Variants in OLFM4 observed in about 807,000 individuals in gnomAD.
OLFM4 encodes the protein olfactomedin 4, also known as olfactomedin-4.
Under a neutral mutation model 25.5 loss-of-function variants are expected in OLFM4, and 22 were observed. The ratio of observed to expected loss-of-function variants is 0.86; its 90% CI spans 0.62 to 1.23. The LOEUF (loss-of-function observed/expected upper bound fraction) is 1.23, where lower values mean the gene tolerates loss of function less well. Among genes scored for constraint, OLFM4 ranks in the 50% most tolerant of loss-of-function variants. The pLI is 0.00. For synonymous variants in OLFM4, 255 were observed against 237.7 expected (o/e 1.07, Z -0.67); for missense variants, 594 against 619.4 (o/e 0.96, Z 0.44).
intron 2 of OLFM4, among the ~76,000 whole-genome samples, chr13:53,039,864 TAA>T (rs1172882273): frequency 6.6e-6 from 1 of 152,204 alleles, no homozygotes; most frequent in Non-Finnish European, 1.5e-5. Flanking sequence ...CGACTTTCAT[TAA>T]AATCCTTTTT....
chr13:53,036,150 T>G (rs1331872159), intron 2 of OLFM4, among the ~76,000 whole-genome samples: 1 of 152,236 alleles, frequency 6.6e-6, no homozygotes, highest in African/African-American at 2.4e-5. Flanking sequence ...TAAGTTTAAA[T>G]GAGTGTCCAG....
chr13:53,050,482 T>C lies in OLFM4; in HGVS notation c.1244T>C (p.Leu415Pro), dbSNP rs756941149. The change falls in exon 5 of 5, where the codon CTT (leucine) becomes CCT (proline). Residue 415 changes from leucine (L) to proline (P), a missense_variant. Transcript: ENST00000219022. ...MVISKLNDTT[L>P]QVLNTWYTKQ... ...ATTAGTAAACTCAATGACACCACAC[T>C]TCAGGTGCTAAACACTTGGTATACC... 6.8e-6 allele frequency: 11 copies of C among 1,614,080 alleles called. No individual in the cohort carries two copies. The highest frequency in any genetic ancestry group is 1.6e-4 in the Middle Eastern group (1 of 6,062).
intron 2 of OLFM4, among the ~76,000 whole-genome samples, chr13:53,035,889 TAAA>T (rs1377372585): frequency 6.6e-6 from 1 of 152,170 alleles, no homozygotes; most frequent in Non-Finnish European, 1.5e-5. Context: ...CAGCCCAAGT[TAAA>T]AATCAATTAG....
rs1406847289 is a variant in OLFM4, at chr13:53,041,339, T to G, written c.358-571T>G. Among the ~76,000 whole-genome samples, 3 of 152,266 alleles carry G rather than the reference T, an allele frequency of 2.0e-5. No individual in the cohort carries two copies. The South Asian group carries it at 6.2e-4, about 32-fold the overall frequency. On this transcript the variant is annotated intron_variant, in intron 2 of 4. Coordinates refer to ENST00000219022, the MANE Select transcript of OLFM4 (RefSeq NM_006418.5). ...CTTTGTAGGAACATGGATAGAGAGC[T>G]GGAAGCCATTCTCCGAAGCAAATTA...
intron 2 of OLFM4, among the ~76,000 whole-genome samples, chr13:53,039,540 A>G (rs1037989079): frequency 1.3e-5 from 2 of 152,222 alleles, no homozygotes; most frequent in African/African-American, 4.8e-5. Context: ...AATGATTTAT[A>G]TAGCATTTAC....
At chr13:53,044,909 A>T (rs1002607095) in intron 4 of OLFM4, among the ~76,000 whole-genome samples, 2 of 152,140 alleles carry the variant, frequency 1.3e-5, no homozygotes, top group Non-Finnish European at 2.9e-5. Flanking sequence ...CTCCTCATGG[A>T]ATAGATTTTT....
At chr13:53,038,404 G>C (rs1185852340) in intron 2 of OLFM4, among the ~76,000 whole-genome samples, 3 of 152,150 alleles carry the variant, frequency 2.0e-5, no homozygotes, top group Non-Finnish European at 4.4e-5. Flanking sequence ...CACAAACCTA[G>C]AGGGTGTAGC....
rs1438269323 is a variant in OLFM4, at chr13:53,034,511, T to C, written c.357+11T>C. 1 of 1,597,922 alleles carries C rather than the reference T, an allele frequency of 6.3e-7. No homozygotes were observed. The highest frequency in any genetic ancestry group is 1.3e-5 in the African/African-American group (1 of 74,298). ...AAAGAACTTTCCAAAGTAAGCATTT[T>C]CTTTTCAAACAATATCTTGATAAAG... On this transcript the variant is annotated intron_variant, in intron 2 of 4. Coordinates refer to ENST00000219022, the MANE Select transcript of OLFM4 (RefSeq NM_006418.5).
intron 2 of OLFM4, among the ~76,000 whole-genome samples, chr13:53,040,806 A>G (rs1954682968): frequency 6.6e-6 from 1 of 152,214 alleles, no homozygotes. Context: ...GCAAGAGACT[A>G]TGATACAAAC....
At position 53,051,333 on chromosome 13, in the gene OLFM4, A is replaced by G. The variant is rs910098192; in HGVS notation, c.*562A>G. ...AATTTGGCATGCTTATATATTCTAC[A>G]TCTGTAAAGTGCTGAGTTTTATGGA... On this transcript the variant is annotated 3_prime_UTR_variant, in exon 5 of 5. Coordinates refer to ENST00000219022, the MANE Select transcript of OLFM4 (RefSeq NM_006418.5). 1 of 152,208 alleles carries G rather than the reference A, an allele frequency of 6.6e-6. No homozygotes were observed. Among genetic ancestry groups the G allele is most frequent in the Non-Finnish European group, 1.5e-5 (1 of 68,088 alleles). 9.4% of individuals were successfully genotyped at this position (152,208 alleles called of 1,614,324 possible).
intron 2 of OLFM4, among the ~76,000 whole-genome samples, chr13:53,036,019 A>G (rs763188375): frequency 1.3e-5 from 2 of 152,368 alleles, no homozygotes; most frequent in Non-Finnish European, 2.9e-5. Flanking sequence ...AAGATTCAGA[A>G]TAAGTTTTCC....
chr13:53,049,595 A>G (rs534237780), intron 4 of OLFM4, among the ~76,000 whole-genome samples: 2 of 152,332 alleles, frequency 1.3e-5, no homozygotes, highest in South Asian at 4.1e-4. Flanking sequence ...GAAAAACAAA[A>G]TAAGATAATA....
chr13:53,029,727 C>G (rs1206876344), intron 1 of OLFM4, among the ~76,000 whole-genome samples: 3 of 152,168 alleles, frequency 2.0e-5, no homozygotes, highest in Admixed American at 2.0e-4. Flanking sequence ...TCTTCAGGAC[C>G]ATTTCCAGCT....
intron 4 of OLFM4, among the ~76,000 whole-genome samples, chr13:53,049,304 G>A (rs951132846): frequency 1.3e-5 from 2 of 152,138 alleles, no homozygotes; most frequent in African/African-American, 4.8e-5. Flanking sequence ...GGCTTCTCAA[G>A]GGTGAAATCC....
At chr13:53,029,119 G>A in intron 1 of OLFM4, 79 bp downstream of exon 1, 1 of 1,585,328 alleles carries the variant, frequency 6.3e-7, no homozygotes, top group Admixed American at 1.7e-5. Flanking sequence ...CAATTTCATG[G>A]ATGGCTAGAC....
rs752484158 is a variant in OLFM4, at chr13:53,028,974, C to CAGCTCCAGCTCCAGGTCG, written c.139_156dup (p.Ser47_Ser52dup). The CAGCTCCAGCTCCAGGTCG allele has an allele frequency of 2.5e-6, 4 of 1,613,974 alleles. No individual in the cohort carries two copies. The highest frequency in any genetic ancestry group is 8.5e-7 in the Non-Finnish European group (1 of 1,179,958). On this transcript the variant is annotated inframe_insertion, in exon 1 of 5. Coordinates refer to ENST00000219022, the MANE Select transcript of OLFM4 (RefSeq NM_006418.5). ...CAGGTGTTGACTCCAGCTCCAGCTT[C>CAGCTCCAGCTCCAGGTCG]AGCTCCAGCTCCAGGTCGGGCTCCA... is the stretch of plus-strand genomic sequence containing the variant.
At chr13:53,029,122 G>A in intron 1 of OLFM4, 82 bp downstream of exon 1, 2 of 1,571,886 alleles carry the variant, frequency 1.3e-6, no homozygotes, top group Non-Finnish European at 1.7e-6. Context: ...TTTCATGGAT[G>A]GCTAGACCTG....
At chr13:53,029,913 T>A (rs996586563) in intron 1 of OLFM4, among the ~76,000 whole-genome samples, 3 of 152,008 alleles carry the variant, frequency 2.0e-5, no homozygotes, top group African/African-American at 7.3e-5. Context: ...GGTTAGGAGG[T>A]AAGAAGCAGT....
intron 2 of OLFM4, among the ~76,000 whole-genome samples, chr13:53,037,690 G>A (rs1051342776): frequency 6.6e-6 from 1 of 152,146 alleles, no homozygotes; most frequent in Non-Finnish European, 1.5e-5. Context: ...GAGTCTAGTT[G>A]GGTCTAGCTC....
Sources: allele counts gnomAD v4.1 joint callset (sites outside exome capture counted in the v4.1 genomes callset), GRCh38; gene constraint gnomAD v4.1.1; transcripts MANE v1.5; gene names NCBI Gene and HGNC (gene_info 2026-07-23, HGNC 2026-07-21).